ACO1: variants seen among roughly 807,000 people sequenced by gnomAD.
ACO1 encodes cytoplasmic aconitate hydratase.
In ACO1, 78 loss-of-function variants were observed where a neutral mutation model predicts 105.1. That is an observed-to-expected ratio of 0.74 (90% confidence interval 0.62 to 0.90). The LOEUF is 0.90. Ranked by LOEUF, ACO1 falls within the 40% of genes least tolerant of loss-of-function variation. ACO1 has a pLI of 0.00. For synonymous variants in ACO1, 364 were observed against 397.4 expected (o/e 0.92, Z 1.00); for missense variants, 965 against 1,111.1 (o/e 0.87, Z 1.87).
intron 4 of ACO1, among the ~76,000 whole-genome samples, chr9:32,415,092 G>T (rs557163085): frequency 6.6e-6 from 1 of 152,178 alleles, no homozygotes; most frequent in Non-Finnish European, 1.5e-5. Context: ...GCAAAGGCAC[G>T]AGGAAAGTGG....
chr9:32,441,702 G>A (rs1055786231), intron 19 of ACO1, among the ~76,000 whole-genome samples: 2 of 152,170 alleles, frequency 1.3e-5, no homozygotes, highest in Admixed American at 6.5e-5. Context: ...ACTCAGGTAG[G>A]GAACTCTAAG....
At chr9:32,440,757 A>G (rs1340246955) in intron 19 of ACO1, among the ~76,000 whole-genome samples, 170 bp downstream of exon 19, 1 of 152,136 alleles carries the variant, frequency 6.6e-6, no homozygotes, top group Non-Finnish European at 1.5e-5. Context: ...GATTTATTTT[A>G]TTTGGTGAAG....
At chr9:32,392,081 T>C (rs896507346) in intron 1 of ACO1, among the ~76,000 whole-genome samples, 2 of 152,222 alleles carry the variant, frequency 1.3e-5, no homozygotes, top group Non-Finnish European at 2.9e-5. Context: ...GAACATGAGG[T>C]TTACCATCTC....
At chr9:32,422,829 A>C (rs1822004682) in intron 8 of ACO1, among the ~76,000 whole-genome samples, 1 of 152,214 alleles carries the variant, frequency 6.6e-6, no homozygotes, top group Non-Finnish European at 1.5e-5. Flanking sequence ...AAAGGATTAG[A>C]GATTGAGGTA....
intron 8 of ACO1, among the ~76,000 whole-genome samples, chr9:32,421,391 A>G (rs974750850): frequency 2.6e-5 from 4 of 152,164 alleles, no homozygotes; most frequent in African/African-American, 9.7e-5. Context: ...ACAGATCTGT[A>G]GGGTAGATTG....
At chr9:32,405,628 T>C (rs939665183) in intron 2 of ACO1, 25 bp downstream of exon 2, 18 of 1,499,158 alleles carry the variant, frequency 1.2e-5, no homozygotes, top group Non-Finnish European at 1.7e-5. Flanking sequence ...GTGATAGCAA[T>C]TGGAATCTCA....
At chr9:32,427,481 A>G (rs772847550) in intron 12 of ACO1, 45 bp downstream of exon 12, 4 of 1,612,208 alleles carry the variant, frequency 2.5e-6, no homozygotes, top group Non-Finnish European at 2.5e-6. Flanking sequence ...GTTGAATTGT[A>G]TCCCTCATGT....
rs1416876553 is a variant in ACO1 at position 32,405,465 on chromosome 9, A to G, written c.-22-20A>G. 6.9e-7 allele frequency: 1 copy of G among 1,447,038 alleles called. No homozygotes were observed. Among genetic ancestry groups the G allele is most frequent in the South Asian group, 1.2e-5 (1 of 86,468 alleles). 89.6% of individuals were successfully genotyped at this position (1,447,038 alleles called of 1,614,324 possible). A position where few individuals can be genotyped will look rare whatever the true frequency, so the allele number is the denominator to read the frequency against. On this transcript the variant is annotated intron_variant, in intron 1 of 20. Coordinates refer to ENST00000309951, the MANE Select transcript of ACO1 (RefSeq NM_002197.3). ...CAGACCTCTTAAAAAAAGAATTTAAATGTTCTCTTTTCTTTTCAGGAACAC... is the reference window on the plus strand; with the variant it reads ...CAGACCTCTTAAAAAAAGAATTTAAGTGTTCTCTTTTCTTTTCAGGAACAC...
At chr9:32,397,405 T>G (rs1821395020) in intron 1 of ACO1, among the ~76,000 whole-genome samples, 1 of 152,246 alleles carries the variant, frequency 6.6e-6, no homozygotes, top group Admixed American at 6.5e-5. Flanking sequence ...AGATATTTAA[T>G]GCAGTTTCCC....
At chr9:32,398,563 T>C (rs1321735687) in intron 1 of ACO1, among the ~76,000 whole-genome samples, 1 of 130,834 alleles carries the variant, frequency 7.6e-6, no homozygotes, top group Non-Finnish European at 1.7e-5. Flanking sequence ...TTTTTTCTTT[T>C]TCTTTCTTTC....
At chr9:32,426,852 C>T (rs1046665971) in intron 11 of ACO1, among the ~76,000 whole-genome samples, 1 of 152,178 alleles carries the variant, frequency 6.6e-6, no homozygotes, top group African/African-American at 2.4e-5. Context: ...TATCTGAACA[C>T]TCGATTTTTA....
chr9:32,404,496 A>G (rs1563931020), intron 1 of ACO1, among the ~76,000 whole-genome samples: 1 of 152,204 alleles, frequency 6.6e-6, no homozygotes, highest in Non-Finnish European at 1.5e-5. Context: ...AAGAATTCAT[A>G]TAAAAATCTA....
Position 32,405,450 on chromosome 9 carries a change from A to T in ACO1, c.-22-35A>T, listed in dbSNP as rs750981611. The T allele has an allele frequency of 5.0e-5, 67 of 1,349,976 alleles. No homozygotes were observed. In the African/African-American group the frequency reaches 6.5e-4, roughly 13 times the overall value. 83.6% of individuals were successfully genotyped at this position (1,349,976 alleles called of 1,614,324 possible). ...CTGATTTCTAGGTCCCAGACCTCTTAAAAAAAGAATTTAAATGTTCTCTTT... is the reference window on the plus strand; with the variant it reads ...CTGATTTCTAGGTCCCAGACCTCTTTAAAAAAGAATTTAAATGTTCTCTTT... On this transcript the variant is annotated intron_variant, in intron 1 of 20. Coordinates refer to ENST00000309951, the MANE Select transcript of ACO1 (RefSeq NM_002197.3).
At chr9:32,417,581 T>C (rs1821878049) in intron 4 of ACO1, among the ~76,000 whole-genome samples, 1 of 152,244 alleles carries the variant, frequency 6.6e-6, no homozygotes, top group Admixed American at 6.5e-5. Flanking sequence ...TAATCTGTGG[T>C]TCACAGATGT....
chr9:32,449,569 C>G (rs1260213506), intron 20 of ACO1, among the ~76,000 whole-genome samples: 2 of 152,142 alleles, frequency 1.3e-5, no homozygotes, highest in African/African-American at 2.4e-5. Context: ...AGAGGCAGTG[C>G]AAAAGTCTGT....
At chr9:32,416,469 T>C (rs1479573516) in intron 4 of ACO1, among the ~76,000 whole-genome samples, 2 of 152,118 alleles carry the variant, frequency 1.3e-5, no homozygotes, top group East Asian at 3.9e-4. Context: ...CCCATCTTGC[T>C]CGGGCTGACT....
chr9:32,424,850 T>C (rs1346212358), intron 10 of ACO1, among the ~76,000 whole-genome samples, 185 bp downstream of exon 10: 1 of 152,236 alleles, frequency 6.6e-6, no homozygotes, highest in Non-Finnish European at 1.5e-5. Context: ...GCAAGAGCCA[T>C]CATAGACACA....
intron 2 of ACO1, 58 bp downstream of exon 2, chr9:32,405,661 T>C: frequency 8.0e-7 from 1 of 1,257,030 alleles, no homozygotes; most frequent in Non-Finnish European, 1.1e-6. Context: ...TTAGGCTATG[T>C]AATTAATTAC....
chr9:32,402,120 G>A (rs1311948338), intron 1 of ACO1, among the ~76,000 whole-genome samples: 3 of 152,066 alleles, frequency 2.0e-5, no homozygotes, highest in South Asian at 2.1e-4. Context: ...CAAGCGTCCC[G>A]GAGGGACAAG....
Sources: allele counts gnomAD v4.1 joint callset (sites outside exome capture counted in the v4.1 genomes callset), GRCh38; gene constraint gnomAD v4.1.1; transcripts MANE v1.5; gene names NCBI Gene and HGNC (gene_info 2026-07-23, HGNC 2026-07-21).